AFF1: variants seen among roughly 807,000 people sequenced by gnomAD.
AFF1 encodes the protein AF4/FMR2 family member 1.
In AFF1, 48 loss-of-function variants were observed where a neutral mutation model predicts 121.7. The ratio of observed to expected loss-of-function variants is 0.39; its 90% CI spans 0.31 to 0.50. The LOEUF (loss-of-function observed/expected upper bound fraction) is 0.50. Among genes scored for constraint, AFF1 ranks in the 20% least tolerant of loss-of-function variants. AFF1 has a pLI of 0.76. For missense variants in AFF1, 1,523 were observed against 1,511.7 expected (o/e 1.01, Z -0.12); for synonymous variants, 613 against 563.0 (o/e 1.09, Z -1.26).
chr4:87,020,631 C>T (rs774533314), intron 2 of AFF1: 28 of 193,764 alleles, frequency 1.4e-4, no homozygotes, highest in Non-Finnish European at 2.0e-4. Context: ...ACTACAGGCA[C>T]GTGCCAACAT....
At chr4:87,017,930 T>C (rs1432613737) in intron 2 of AFF1, among the ~76,000 whole-genome samples, 2 of 78,700 alleles carry the variant, frequency 2.5e-5, no homozygotes, top group Non-Finnish European at 6.4e-5. Flanking sequence ...TAGCATTCAG[T>C]CGTTCTATTT....
chr4:86,947,166 A>G (rs1258238020), intron 1 of AFF1, among the ~76,000 whole-genome samples: 1 of 152,154 alleles, frequency 6.6e-6, no homozygotes, highest in Non-Finnish European at 1.5e-5. Flanking sequence ...GAGAATTGAG[A>G]AAACTTGCCT....
At chr4:87,002,311 GTCT>G (rs1725786989) in intron 2 of AFF1, among the ~76,000 whole-genome samples, 1 of 151,204 alleles carries the variant, frequency 6.6e-6, no homozygotes, top group Admixed American at 6.6e-5. Flanking sequence ...GCCCAGGTTG[GTCT>G]TCAACTCCTG....
chr4:87,017,737 C>T (rs1727449585), intron 2 of AFF1, among the ~76,000 whole-genome samples: 1 of 152,172 alleles, frequency 6.6e-6, no homozygotes, highest in Non-Finnish European at 1.5e-5. Flanking sequence ...AGTGAAGCGT[C>T]TGGAAATTAT....
At position 87,127,664 on chromosome 4, in the gene AFF1, G is replaced by A; in HGVS notation, c.2925G>A (p.Met975Ile). The A allele has an allele frequency of 6.2e-7, 1 of 1,614,074 alleles. No homozygotes were observed. Among genetic ancestry groups the A allele is most frequent in the Non-Finnish European group, 8.5e-7 (1 of 1,180,020 alleles). ...KFDKQQADLH[M>I]REAKKMKQKA... Reference sequence around the variant, plus strand: ...TCAGACAACAAGCAGACCTTCACATGAGGGAGGCAAAAAAGATGAAGCAGA... The same window carrying A: ...TCAGACAACAAGCAGACCTTCACATAAGGGAGGCAAAAAAGATGAAGCAGA... Residue 975 changes from methionine (M) to isoleucine (I), a missense_variant, in exon 16 of 21, where the codon ATG becomes ATA. By Grantham distance (10) the Met-to-Ile change is conservative. Coordinates refer to ENST00000395146, the MANE Select transcript of AFF1 (RefSeq NM_001166693.3).
In AFF1 at chr4:87,132,259, C is replaced by T. The variant is rs1728898129; in HGVS notation, c.3174-12C>T. The T allele has an allele frequency of 1.9e-6, 3 of 1,608,840 alleles. No homozygotes were observed. The highest frequency in any genetic ancestry group is 1.3e-5 in the African/African-American group (1 of 74,654). On this transcript the variant is annotated splice_polypyrimidine_tract_variant and intron_variant, in intron 18 of 20. Transcript: ENST00000395146. ...TAGTCACGTGCAGTTTCACTTCTGT[C>T]TTTGTTCATAGCATGCGTTGCCAGT...
At chr4:87,011,493 C>T (rs34227282) in intron 2 of AFF1, among the ~76,000 whole-genome samples, 20,516 of 152,026 alleles carry the variant, frequency 0.13, 1,869 homozygotes, top group Middle Eastern at 0.23. Context: ...CCCTATGCCC[C>T]GTCTCTGATT....
Position 87,114,557 on chromosome 4 carries a change from G to A in AFF1, c.1724G>A (p.Ser575Asn). ...ESKDPPPKSS[S>N]KAPRAPPEAP... ...AAAGATCCTCCCCCTAAAAGCTCCA[G>A]CAAAGCCCCCCGGGCCCCACCCGAA... Residue 575 changes from serine to asparagine, a missense_variant, in exon 12 of 21, where the codon AGC becomes AAC. By Grantham distance (46) the Ser-to-Asn change is conservative (BLOSUM62 1). Around this residue, in one of 5 missense-constraint regions of AFF1, gnomAD observed 905 missense variants for 842.5 expected, o/e 1.07. Coordinates refer to ENST00000395146, the MANE Select transcript of AFF1 (RefSeq NM_001166693.3). 6.2e-7 allele frequency: 1 copy of A among 1,609,106 alleles called. No individual in the cohort carries two copies. Among genetic ancestry groups the A allele is most frequent in the Non-Finnish European group, 8.5e-7 (1 of 1,178,064 alleles).
At chr4:86,936,287 G>A (rs1317403122) in intron 1 of AFF1, 1 of 152,234 alleles carries the variant, frequency 6.6e-6, no homozygotes, top group African/African-American at 2.4e-5. Context: ...TCACCACGGG[G>A]AAATCAGACT....
chr4:87,065,834 C>T (rs1344717617), intron 4 of AFF1, among the ~76,000 whole-genome samples: 1 of 152,186 alleles, frequency 6.6e-6, no homozygotes, highest in Non-Finnish European at 1.5e-5. Context: ...CCTCTCTGCC[C>T]CTTAATAAAT....
rs79844603 is a variant in AFF1 at position 87,046,378 on chromosome 4, G to A, written c.159+92G>A. On this transcript the variant is annotated intron_variant, in intron 3 of 20. Transcript: ENST00000395146. The stretch of plus-strand genomic sequence containing the variant: ...TTCAGTATAATTGAGTTCGAACAAG[G>A]GTCACAGCTGTGAAAATAAGATAAC... The A allele has an allele frequency of 7.5e-4, 1,082 of 1,450,166 alleles. 3 individuals are homozygous for A. In the African/African-American group the frequency reaches 0.014, roughly 18 times the overall value. 89.8% of individuals were successfully genotyped at this position (1,450,166 alleles called of 1,614,324 possible).
chr4:86,953,157 T>C (rs1015279762), intron 2 of AFF1, among the ~76,000 whole-genome samples: 28 of 152,308 alleles, frequency 1.8e-4, no homozygotes, highest in Middle Eastern at 6.8e-3. Context: ...TTGTTACTTT[T>C]ATCATAATTT....
intron 2 of AFF1, among the ~76,000 whole-genome samples, chr4:87,042,199 T>C (rs969161520): frequency 3.3e-5 from 5 of 152,184 alleles, no homozygotes; most frequent in African/African-American, 9.7e-5. Flanking sequence ...ATTTTTAAAA[T>C]TTCATATTCC....
At chr4:87,038,387 T>C (rs907719495) in intron 2 of AFF1, among the ~76,000 whole-genome samples, 2 of 152,244 alleles carry the variant, frequency 1.3e-5, no homozygotes, top group African/African-American at 4.8e-5. Context: ...TTCTCATGTT[T>C]AAATTGTATT....
At chr4:87,094,848 G>GA in intron 7 of AFF1, 67 bp from the exon 8 acceptor site, 2 of 1,513,140 alleles carry the variant, frequency 1.3e-6, no homozygotes, top group Non-Finnish European at 1.8e-6. Context: ...CGACATAAAA[G>GA]AACTCACAAC....
intron 12 of AFF1, among the ~76,000 whole-genome samples, chr4:87,124,120 G>T (rs779944281): frequency 1.2e-4 from 18 of 152,198 alleles, no homozygotes; most frequent in Non-Finnish European, 4.4e-5. Flanking sequence ...GCACAAGAAT[G>T]CAAGAAAGAC....
In AFF1 at chr4:87,135,970, G is replaced by C. The variant is rs1261496401; in HGVS notation, c.*269G>C. On this transcript the variant is annotated 3_prime_UTR_variant, in exon 21 of 21. Coordinates refer to ENST00000395146, the MANE Select transcript of AFF1 (RefSeq NM_001166693.3). ...GACAGAAGTGCAATTTAGCTTAAAT[G>C]GGTGTATGAATGGTCTAGAAACATT... 2.5e-6 allele frequency: 1 copy of C among 396,448 alleles called. No homozygotes were observed. The highest frequency in any genetic ancestry group is 4.4e-6 in the Non-Finnish European group (1 of 227,466). 24.6% of individuals were successfully genotyped at this position (396,448 alleles called of 1,614,324 possible).
rs1040061793 is a variant in AFF1, at chr4:87,119,749, T to G, written c.2466+4450T>G. Among the ~76,000 whole-genome samples the G allele has an allele frequency of 8.5e-5, 13 of 152,326 alleles. No individual in the cohort carries two copies. In the East Asian group the frequency reaches 1.4e-3, roughly 16 times the overall value. On this transcript the variant is annotated intron_variant, in intron 12 of 20. Coordinates refer to ENST00000395146, the MANE Select transcript of AFF1 (RefSeq NM_001166693.3). ...TGAATAACTGAATAAGGAGGTGCAT[T>G]CATTCAAATCTTTTTTACTTTTTCT...
At chr4:87,123,312 C>A (rs1560651848) in intron 12 of AFF1, among the ~76,000 whole-genome samples, 1 of 152,148 alleles carries the variant, frequency 6.6e-6, no homozygotes, top group East Asian at 1.9e-4. Flanking sequence ...ATTACATTCT[C>A]TTTTTTCTAC....
Sources: gnomAD v4.1 joint callset for allele counts (sites outside exome capture counted in the v4.1 genomes callset) on GRCh38, gnomAD v4.1.1 for gene constraint, gnomAD v4.1.1 regional missense constraint, MANE v1.5 for transcripts, NCBI Gene and HGNC (gene_info 2026-07-23, HGNC 2026-07-21) for gene names.